The following STXBP5 variants were observed in gnomAD, a reference collection of about 807,000 sequenced individuals.
STXBP5 encodes syntaxin binding protein 5.
A neutral mutation model predicts 152.4 loss-of-function variants in STXBP5; 50 were observed. The observed-to-expected ratio is 0.33, with a 90% confidence interval of 0.26 to 0.42. The LOEUF (loss-of-function observed/expected upper bound fraction) is 0.42, where lower values mean the gene tolerates loss of function less well. STXBP5 is among the 10% of genes least tolerant of loss of function. The pLI, the probability that STXBP5 is intolerant of heterozygous loss-of-function variation, is 1.00. For missense variants in STXBP5, 1,167 were observed against 1,388.6 expected, an observed-to-expected ratio of 0.84 and a Z score of 2.54; for synonymous variants, 492 against 494.7, an observed-to-expected ratio of 0.99 and a Z score of 0.07.
At position 147,382,953 on chromosome 6, in the gene STXBP5, G is replaced by C; in HGVS notation, c.3369G>C (p.Ala1123=). Residue 1123 remains alanine (A), a synonymous_variant, in exon 27 of 28, where the codon GCG becomes GCC. Coordinates refer to ENST00000321680, the MANE Select transcript of STXBP5 (RefSeq NM_001127715.4). The part of the protein sequence containing the change: ...QKLGDLEERT[A]AMLSSAESFS... ...TTGGCGATCTGGAAGAAAGAACTGC[G>C]GCCATGTTATCAAGTGCAGAGTCAT... 6.2e-7 allele frequency: 1 copy of C among 1,613,340 alleles called. No individual in the cohort carries two copies. The highest frequency in any genetic ancestry group is 1.3e-5 in the African/African-American group (1 of 74,936).
chr6:147,278,118 A>G lies in STXBP5; in HGVS notation c.752A>G (p.Gln251Arg). The G allele has an allele frequency of 6.2e-7, 1 of 1,613,056 alleles. No homozygotes were observed. Among genetic ancestry groups the G allele is most frequent in the Non-Finnish European group, 8.5e-7 (1 of 1,179,326 alleles). ...GTTGCTTGGCATCATGAAGGAAAAC[A>G]ATTTATTTGCAGTCATTCAGATGGC... ...HSVAWHHEGK[Q>R]FICSHSDGTL... The change falls in exon 8 of 28, where the codon CAA becomes CGA. Residue 251 changes from glutamine to arginine, a missense_variant. Gln to Arg is a conservative substitution (Grantham distance 43). Around this residue, in one of 3 missense-constraint regions of STXBP5, gnomAD observed 310 missense variants for 346.1 expected, o/e 0.90. Transcript: ENST00000321680.
chr6:147,312,167 C>G (rs1365018997), intron 11 of STXBP5, among the ~76,000 whole-genome samples: 1 of 152,152 alleles, frequency 6.6e-6, no homozygotes, highest in Non-Finnish European at 1.5e-5. Context: ...CCATAAAACT[C>G]TATATAACTT....
intron 2 of STXBP5, among the ~76,000 whole-genome samples, chr6:147,222,924 C>T (rs1001365308): frequency 5.9e-5 from 9 of 152,208 alleles, no homozygotes; most frequent in African/African-American, 2.2e-4. Flanking sequence ...TACCCGGACA[C>T]AGGTTTTCAC....
intron 4 of STXBP5, among the ~76,000 whole-genome samples, chr6:147,241,715 G>A (rs973282398): frequency 2.0e-5 from 3 of 151,646 alleles, no homozygotes; most frequent in Admixed American, 1.3e-4. Context: ...TGTTATAGCT[G>A]TCATAACATC....
chr6:147,219,103 A>G (rs1777326813), intron 2 of STXBP5, among the ~76,000 whole-genome samples: 1 of 152,316 alleles, frequency 6.6e-6, no homozygotes, highest in African/African-American at 2.4e-5. Context: ...TTCTTTATCA[A>G]GTTGAGCAAC....
intron 4 of STXBP5, among the ~76,000 whole-genome samples, chr6:147,244,315 A>G (rs1778694017): frequency 6.6e-6 from 1 of 152,118 alleles, no homozygotes; most frequent in African/African-American, 2.4e-5. Context: ...GTTTTGTAGC[A>G]AGTTGAAGAT....
intron 2 of STXBP5, among the ~76,000 whole-genome samples, chr6:147,229,859 A>C (rs1032251352): frequency 1.3e-4 from 19 of 151,234 alleles, no homozygotes; most frequent in African/African-American, 4.6e-4. Flanking sequence ...TTTTTCTTGC[A>C]CATTTCCATG....
At chr6:147,219,570 T>C (rs994290895) in intron 2 of STXBP5, among the ~76,000 whole-genome samples, 2 of 152,200 alleles carry the variant, frequency 1.3e-5, no homozygotes, top group African/African-American at 2.4e-5. Context: ...CTTTAATGTA[T>C]AGAAGCCTAT....
At chr6:147,374,610 C>T (rs78647861) in intron 26 of STXBP5, among the ~76,000 whole-genome samples, 4,408 of 152,136 alleles carry the variant, frequency 0.029, 107 homozygotes, top group Admixed American at 0.05. Flanking sequence ...ACTCAGAAAA[C>T]GTATTTCTAA....
chr6:147,233,696 A>C (rs1467356654), intron 2 of STXBP5, among the ~76,000 whole-genome samples: 1 of 151,662 alleles, frequency 6.6e-6, no homozygotes, highest in Admixed American at 6.6e-5. Context: ...TGAAAAAATA[A>C]ATGGGTGAAC....
chr6:147,356,951 G>A (rs547242891), intron 22 of STXBP5, among the ~76,000 whole-genome samples: 16 of 152,252 alleles, frequency 1.1e-4, no homozygotes, highest in Admixed American at 7.9e-4. Flanking sequence ...CAGCAGAAGC[G>A]TTGGTTTAGA....
At chr6:147,250,346 A>G (rs182090726) in intron 4 of STXBP5, among the ~76,000 whole-genome samples, 4 of 152,262 alleles carry the variant, frequency 2.6e-5, no homozygotes, top group East Asian at 1.9e-4. Context: ...TCAGCCTTTC[A>G]TATCTGTAGG....
intron 14 of STXBP5, 67 bp downstream of exon 14, chr6:147,314,703 TATA>T (rs1782554616): frequency 1.1e-5 from 13 of 1,186,848 alleles, no homozygotes; most frequent in Admixed American, 4.7e-5. Context: ...CATCCTGTTT[TATA>T]ATAATTGCAT....
chr6:147,322,277 T>A (rs1782975595), intron 16 of STXBP5, among the ~76,000 whole-genome samples: 1 of 152,190 alleles, frequency 6.6e-6, no homozygotes, highest in Non-Finnish European at 1.5e-5. Flanking sequence ...ACTCTGTCGC[T>A]TGAGATGGAG....
At chr6:147,249,907 T>G (rs946123522) in intron 4 of STXBP5, among the ~76,000 whole-genome samples, 1 of 152,178 alleles carries the variant, frequency 6.6e-6, no homozygotes, top group Admixed American at 6.5e-5. Flanking sequence ...AAAAGTATCA[T>G]CCCACAGGCA....
intron 4 of STXBP5, among the ~76,000 whole-genome samples, chr6:147,253,910 C>A (rs1779226886): frequency 6.6e-6 from 1 of 152,128 alleles, no homozygotes; most frequent in Admixed American, 6.5e-5. Context: ...CATCGAGCTA[C>A]CATTGACTTT....
In STXBP5 at chr6:147,382,873, G is replaced by A; in HGVS notation, c.3289G>A (p.Val1097Ile). Residue 1097 changes from valine (V) to isoleucine (I), a missense_variant, in exon 27 of 28, where the codon GTT becomes ATT. Physicochemically the swap from Val to Ile is conservative, Grantham distance 29. Around this residue, in one of 3 missense-constraint regions of STXBP5, gnomAD observed 833 missense variants for 986.3 expected, o/e 0.84. Transcript: ENST00000321680. ...IEGVKGAASG[V>I]VGELARARLA... is the part of the protein sequence containing the mutation. Reference sequence around the variant, plus strand: ...AGGCGTAAAAGGGGCAGCATCTGGAGTTGTTGGTGAATTAGCACGAGCCAG... The same window carrying A: ...AGGCGTAAAAGGGGCAGCATCTGGAATTGTTGGTGAATTAGCACGAGCCAG... 1 of 1,613,550 alleles carries A rather than the reference G, an allele frequency of 6.2e-7. No homozygotes were observed. The highest frequency in any genetic ancestry group is 8.5e-7 in the Non-Finnish European group (1 of 1,179,694).
In STXBP5 at chr6:147,204,426, C is replaced by T. The variant is rs1477247762; in HGVS notation, c.-107C>T. 4 of 1,067,994 alleles carry T rather than the reference C, an allele frequency of 3.7e-6. No individual in the cohort carries two copies. Among genetic ancestry groups the T allele is most frequent in the Non-Finnish European group, 5.5e-6 (4 of 729,304 alleles). 66.2% of individuals were successfully genotyped at this position (1,067,994 alleles called of 1,614,324 possible). ...CTGCCTCCTTACCCTCACACTCCCA[C>T]TCCTCCGTTTCCGCGGTCGAAGCTG... On this transcript the variant is annotated 5_prime_UTR_variant, in exon 1 of 28. Transcript: ENST00000321680. This position sits in a 1 kb window ranked among gnomAD's most constrained non-coding sequence, Gnocchi z 4.3.
At chr6:147,334,545 T>G (rs943352159) in intron 19 of STXBP5, among the ~76,000 whole-genome samples, 17 of 152,180 alleles carry the variant, frequency 1.1e-4, no homozygotes, top group African/African-American at 4.1e-4. Flanking sequence ...ATCTACCATC[T>G]TTAAATGTTA....
Sources: allele counts gnomAD v4.1 joint callset (sites outside exome capture counted in the v4.1 genomes callset), GRCh38; gene constraint gnomAD v4.1.1; regional missense constraint gnomAD v4.1.1; non-coding constraint Gnocchi (gnomAD v3.1); transcripts MANE v1.5; gene names NCBI Gene and HGNC (gene_info 2026-07-23, HGNC 2026-07-21).